The following DMAP1 variants were observed in gnomAD, a reference collection of about 807,000 sequenced individuals.
DMAP1 encodes the protein DNA methyltransferase 1 associated protein 1.
A neutral mutation model predicts 52.7 loss-of-function variants in DMAP1; 26 were observed. That is an observed-to-expected ratio of 0.49 (90% CI 0.36 to 0.68). The LOEUF (loss-of-function observed/expected upper bound fraction) is 0.68. Among genes scored for constraint, DMAP1 ranks in the 30% least tolerant of loss-of-function variants. DMAP1 has a pLI of 0.00. For missense variants in DMAP1, 439 were observed against 625.2 expected, an observed-to-expected ratio of 0.70 and a Z score of 3.18; for synonymous variants, 231 against 246.0, an observed-to-expected ratio of 0.94 and a Z score of 0.57.
intron 7 of DMAP1, 57 bp from the exon 8 acceptor site, chr1:44,219,749 C>T: frequency 6.3e-7 from 1 of 1,599,814 alleles, no homozygotes; most frequent in Non-Finnish European, 8.5e-7. Flanking sequence ...CTTTTGTCCC[C>T]TTCATCCTAA....
At position 44,213,683 on chromosome 1, in the gene DMAP1, C is replaced by T; in HGVS notation, c.-71C>T. 1 of 1,459,150 alleles carries T rather than the reference C, an allele frequency of 6.9e-7. No homozygotes were observed. The highest frequency in any genetic ancestry group is 9.4e-7 in the Non-Finnish European group (1 of 1,066,656). 90.4% of individuals were successfully genotyped at this position (1,459,150 alleles called of 1,614,324 possible). ...CTTAGGTCTGGATTGGCCCCGCCCC[C>T]TGACCTGAGCCTGGTCCTTCTTCAG... On this transcript the variant is annotated 5_prime_UTR_variant, in exon 1 of 10. Coordinates refer to ENST00000372289, the MANE Select transcript of DMAP1 (RefSeq NM_019100.5). This position sits in a 1 kb window ranked among gnomAD's most constrained non-coding sequence, Gnocchi z 4.5.
intron 3 of DMAP1, chr1:44,217,207 C>T (rs1643812368): frequency 6.6e-6 from 1 of 152,188 alleles, no homozygotes; most frequent in Non-Finnish European, 1.5e-5. Context: ...TCTCAGTTTC[C>T]ATTCTCATCA....
intron 3 of DMAP1, chr1:44,217,200 C>T (rs978003525): frequency 6.6e-6 from 1 of 152,220 alleles, no homozygotes; most frequent in African/African-American, 2.4e-5. Flanking sequence ...TGTGTACTCT[C>T]AGTTTCCATT....
At chr1:44,215,391 G>T (rs1643770523) in intron 3 of DMAP1, 1 of 453,096 alleles carries the variant, frequency 2.2e-6, no homozygotes, top group African/African-American at 2.0e-5. Flanking sequence ...TCAGTGAATG[G>T]CACTATCTTC....
At chr1:44,219,319 A>G in intron 6 of DMAP1, 78 bp downstream of exon 6, 1 of 1,565,308 alleles carries the variant, frequency 6.4e-7, no homozygotes, top group Non-Finnish European at 8.6e-7. Context: ...GAGGGTTCTG[A>G]GAGTACCCAG....
In DMAP1 at chr1:44,218,895, C is replaced by T; in HGVS notation, c.720+140C>T. On this transcript the variant is annotated intron_variant, in intron 5 of 9. Transcript: ENST00000372289. This position sits in a 1 kb window ranked among gnomAD's most constrained non-coding sequence, Gnocchi z 5.6. ...ATTAACTGCCCCAAGCCCATTCCTA[C>T]TTCTCATGGGCCATCCCCCCTGCTT... 2 of 1,398,250 alleles carry T rather than the reference C, an allele frequency of 1.4e-6. No individual in the cohort carries two copies. Among genetic ancestry groups the T allele is most frequent in the East Asian group, 4.7e-5 (2 of 42,272 alleles). 86.6% of individuals were successfully genotyped at this position (1,398,250 alleles called of 1,614,324 possible). A position where few individuals can be genotyped will look rare whatever the true frequency, so the allele number is the denominator to read the frequency against.
At chr1:44,219,740 T>G in intron 7 of DMAP1, 66 bp from the exon 8 acceptor site, 1 of 1,579,556 alleles carries the variant, frequency 6.3e-7, no homozygotes, top group Non-Finnish European at 8.7e-7. Flanking sequence ...TCCCTCTGCC[T>G]TTTGTCCCCT....
chr1:44,215,329 CT>C, intron 3 of DMAP1: 1 of 456,810 alleles, frequency 2.2e-6, no homozygotes, highest in Non-Finnish European at 4.4e-6. Context: ...GGTAGGTACC[CT>C]GAACAGAGCT....
At position 44,214,714 on chromosome 1, in the gene DMAP1, C is replaced by T; in HGVS notation, c.209C>T (p.Pro70Leu). 1 of 1,611,066 alleles carries T rather than the reference C, an allele frequency of 6.2e-7. No individual in the cohort carries two copies. The highest frequency in any genetic ancestry group is 8.5e-7 in the Non-Finnish European group (1 of 1,177,524). ...LLYSDKKDAP[P>L]LLPSDTGQGY... ...AACCTCCCTGCCAGGGATGCACCCC[C>T]ACTGCTACCCAGTGACACTGGCCAG... is the stretch of plus-strand genomic sequence containing the variant. The change falls in exon 3 of 10, where the codon CCA (proline) becomes CTA (leucine). Residue 70 changes from proline (P) to leucine (L), a missense_variant. Coordinates refer to ENST00000372289, the MANE Select transcript of DMAP1 (RefSeq NM_019100.5).
chr1:44,216,690 G>A (rs955127841), intron 3 of DMAP1: 1 of 152,282 alleles, frequency 6.6e-6, no homozygotes, highest in African/African-American at 2.4e-5. Flanking sequence ...TGTGGAAGTG[G>A]AAGGCATTTC....
chr1:44,220,397 C>T, intron 9 of DMAP1, 88 bp downstream of exon 9: 1 of 1,525,890 alleles, frequency 6.6e-7, no homozygotes, highest in Non-Finnish European at 8.8e-7. Flanking sequence ...CCCTCTAGTG[C>T]CTGCAGCAGG....
chr1:44,218,227 A>G lies in DMAP1; in HGVS notation c.394-84A>G, dbSNP rs772613820. The G allele has an allele frequency of 2.0e-5, 31 of 1,582,870 alleles. No homozygotes were observed. The Admixed American group carries it at 3.7e-4, about 19-fold the overall frequency. Reference sequence around the variant, plus strand: ...GGCCCAGGGTCTGGCAACAAACAGGAGCAGCTGTGGTCACTGGGGCCTGGA... The same window carrying G: ...GGCCCAGGGTCTGGCAACAAACAGGGGCAGCTGTGGTCACTGGGGCCTGGA... On this transcript the variant is annotated intron_variant, in intron 3 of 9. Transcript: ENST00000372289. The surrounding 1 kb of genome is among the most constrained non-coding windows in gnomAD (Gnocchi z 5.6).
chr1:44,217,733 C>G (rs1643823137), intron 3 of DMAP1: 2 of 196,222 alleles, frequency 1.0e-5, no homozygotes, highest in South Asian at 2.0e-4. Context: ...GGGTCTCTGA[C>G]AGACTCAGCT....
Position 44,214,152 on chromosome 1 carries a change from T to C in DMAP1, c.106-198T>C, listed in dbSNP as rs570348212. Among the ~76,000 whole-genome samples, 4 of 151,842 alleles carry C rather than the reference T, an allele frequency of 2.6e-5. No homozygotes were observed. In the East Asian group the frequency reaches 7.8e-4, roughly 30 times the overall value. On this transcript the variant is annotated intron_variant, in intron 1 of 9. Coordinates refer to ENST00000372289, the MANE Select transcript of DMAP1 (RefSeq NM_019100.5). ...TCAAGACATTGTAACAGTCTGAGAG[T>C]TGGTGGGATGGGGAGGGGACTGCTC...
chr1:44,219,044 TCA>T lies in DMAP1; in HGVS notation c.721-10_721-9del, dbSNP rs775225142. The T allele has an allele frequency of 3.1e-6, 5 of 1,613,418 alleles. No homozygotes were observed. In the African/African-American group the frequency reaches 5.3e-5, roughly 17 times the overall value. Reference sequence around the variant, plus strand: ...AGTGCCCTCACACACTTCGCATCCCTCACTTTCCCAGGTGGCAGAGGAGGAGT... The same window carrying T: ...AGTGCCCTCACACACTTCGCATCCCTCTTTCCCAGGTGGCAGAGGAGGAGT... On this transcript the variant is annotated splice_polypyrimidine_tract_variant and intron_variant, in intron 5 of 9. Transcript: ENST00000372289.
In DMAP1 at chr1:44,220,033, T is replaced by C. The variant is rs1643875675; in HGVS notation, c.1068T>C (p.Pro356=). 2 of 1,601,106 alleles carry C rather than the reference T, an allele frequency of 1.2e-6. No individual in the cohort carries two copies. Among genetic ancestry groups the C allele is most frequent in the African/African-American group, 2.7e-5 (2 of 74,736 alleles). The change falls in exon 9 of 10, where the codon CCT becomes CCC. Residue 356 remains proline, a synonymous_variant. Coordinates refer to ENST00000372289, the MANE Select transcript of DMAP1 (RefSeq NM_019100.5). ...LELGVELSPT[P]TEELVHMFNE... ...TGCCTGCAGAGCTGAGCCCGACACC[T>C]ACGGAGGAGCTGGTGCACATGTTCA...
intron 3 of DMAP1, chr1:44,215,132 T>G: frequency 3.0e-6 from 2 of 659,930 alleles, no homozygotes; most frequent in Non-Finnish European, 5.6e-6. Context: ...TTCTTGGTCT[T>G]TCAAATGTTG....
Position 44,213,591 on chromosome 1 carries a change from C to A in DMAP1, c.-163C>A. ...TTAGGAACATCCAAGCGGTGGGGCA[C>A]AGGCAGATCCCCGACCTGACCTGGA... On this transcript the variant is annotated 5_prime_UTR_variant, in exon 1 of 10. Coordinates refer to ENST00000372289, the MANE Select transcript of DMAP1 (RefSeq NM_019100.5). The surrounding 1 kb of genome is among the most constrained non-coding windows in gnomAD (Gnocchi z 4.5). 1.6e-6 allele frequency: 1 copy of A among 611,660 alleles called. No individual in the cohort carries two copies. Among genetic ancestry groups the A allele is most frequent in the Non-Finnish European group, 2.9e-6 (1 of 346,876 alleles). The allele number at this position is 611,660 out of a possible 1,614,324, so 37.9% of individuals were successfully genotyped here. A position where few individuals can be genotyped will look rare whatever the true frequency, so the allele number is the denominator to read the frequency against.
rs146970999 is a variant in DMAP1, at chr1:44,214,500, C to T, written c.197+59C>T. 348 of 1,613,492 alleles carry T rather than the reference C, an allele frequency of 2.2e-4. 3 individuals are homozygous for T. In the East Asian group the frequency reaches 7.7e-3, roughly 36 times the overall value. Reference sequence around the variant, plus strand: ...GGCCCCTGATTCACCTGCCATGCCCCTAACTCCTAGTTTTCTCTAACAATT... The same window carrying T: ...GGCCCCTGATTCACCTGCCATGCCCTTAACTCCTAGTTTTCTCTAACAATT... On this transcript the variant is annotated intron_variant, in intron 2 of 9. Transcript: ENST00000372289.
Sources: allele counts gnomAD v4.1 joint callset (sites outside exome capture counted in the v4.1 genomes callset), GRCh38; gene constraint gnomAD v4.1.1; non-coding constraint Gnocchi (gnomAD v3.1); transcripts MANE v1.5; gene names NCBI Gene and HGNC (gene_info 2026-07-23, HGNC 2026-07-21).